F13A1: variants seen among roughly 807,000 people sequenced by gnomAD.
F13A1 encodes coagulation factor XIII A chain.
Under a neutral mutation model 80.1 loss-of-function variants are expected in F13A1, and 47 were observed. The observed-to-expected ratio is 0.59, with a 90% CI of 0.46 to 0.75. F13A1 has a LOEUF of 0.75. Ranked by LOEUF, F13A1 falls within the 30% of genes least tolerant of loss-of-function variation. The pLI, the probability that F13A1 is intolerant of heterozygous loss-of-function variation, is 0.00. For synonymous variants in F13A1, 349 were observed against 344.9 expected, an observed-to-expected ratio of 1.01 and a Z score of -0.13; for missense variants, 817 against 930.4, an observed-to-expected ratio of 0.88 and a Z score of 1.59.
intron 3 of F13A1, among the ~76,000 whole-genome samples, chr6:6,276,960 T>G (rs944507632): frequency 2.0e-5 from 3 of 152,150 alleles, no homozygotes; most frequent in African/African-American, 2.4e-5. Flanking sequence ...CTGTACAGAC[T>G]CTTTCTTGGC....
At chr6:6,146,402 A>G (rs1321135558) in intron 14 of F13A1, among the ~76,000 whole-genome samples, 7 of 152,150 alleles carry the variant, frequency 4.6e-5, no homozygotes, top group African/African-American at 2.4e-5. Context: ...TTTGTTGCCA[A>G]TGCCCTAATG....
At chr6:6,268,240 C>G (rs543337708) in intron 3 of F13A1, among the ~76,000 whole-genome samples, 1 of 152,156 alleles carries the variant, frequency 6.6e-6, no homozygotes, top group Non-Finnish European at 1.5e-5. Context: ...AGCTGATATT[C>G]CACAGAAAAA....
chr6:6,156,816 C>T (rs923208685), intron 13 of F13A1, among the ~76,000 whole-genome samples: 3 of 152,280 alleles, frequency 2.0e-5, no homozygotes, highest in Admixed American at 1.3e-4. Context: ...AATTCAGTTC[C>T]TCAGTTGCAC....
intron 13 of F13A1, among the ~76,000 whole-genome samples, chr6:6,155,486 C>T (rs1760456205): frequency 6.6e-6 from 1 of 152,136 alleles, no homozygotes; most frequent in Admixed American, 6.5e-5. Context: ...AAGCCCTTCT[C>T]TGGTTGTAGT....
rs1295909802 is a variant in F13A1, at chr6:6,225,016, GA to G, written c.799-157del. On this transcript the variant is annotated intron_variant, in intron 6 of 14. Coordinates refer to ENST00000264870, the MANE Select transcript of F13A1 (RefSeq NM_000129.4). ...TGTTCGGTTTACCATTACATTGTTA[GA>G]AAAAAAAGATGCAAAAACTAAATAC... 3.9e-5 allele frequency among the ~76,000 whole-genome samples: 6 copies of G among 152,054 alleles called. No individual in the cohort carries two copies. The South Asian group carries it at 6.2e-4, about 16-fold the overall frequency.
At chr6:6,202,022 A>G (rs1220548495) in intron 8 of F13A1, among the ~76,000 whole-genome samples, 1 of 152,168 alleles carries the variant, frequency 6.6e-6, no homozygotes, top group Non-Finnish European at 1.5e-5. Context: ...TTACATATAT[A>G]TATAAAATCA....
intron 6 of F13A1, among the ~76,000 whole-genome samples, chr6:6,227,348 A>C (rs1210077505): frequency 1.3e-5 from 2 of 152,234 alleles, no homozygotes; most frequent in Non-Finnish European, 2.9e-5. Flanking sequence ...TAATTTGTTC[A>C]ATGTAGGAAA....
At chr6:6,252,110 T>C (rs1223427784) in intron 4 of F13A1, among the ~76,000 whole-genome samples, 2 of 152,080 alleles carry the variant, frequency 1.3e-5, no homozygotes, top group Admixed American at 1.3e-4. Context: ...GGGGATGGAA[T>C]CAGCAAAATT....
In F13A1 at chr6:6,266,818, A is replaced by T. The variant is rs1386246678; in HGVS notation, c.320-9T>A. 1.2e-6 allele frequency: 2 copies of T among 1,614,146 alleles called. No homozygotes were observed. On this transcript the variant is annotated splice_polypyrimidine_tract_variant and intron_variant, in intron 3 of 14. Transcript: ENST00000264870. Reference sequence around the variant, plus strand: ...CTCCTGTGGGTAGCGACCTATGAGAAGAGAGAAGAAATACTCTGTTAGGTT... The same window carrying T: ...CTCCTGTGGGTAGCGACCTATGAGATGAGAGAAGAAATACTCTGTTAGGTT...
intron 4 of F13A1, among the ~76,000 whole-genome samples, chr6:6,258,666 G>A (rs1049360571): frequency 7.2e-5 from 11 of 152,092 alleles, no homozygotes; most frequent in African/African-American, 2.4e-4. Flanking sequence ...AATGATCCTC[G>A]CTTGGCATAA....
rs398000295 is a variant in F13A1 at position 6,318,688 on chromosome 6, GAAA to G, written c.-18-9_-18-7del. On this transcript the variant is annotated splice_region_variant and splice_polypyrimidine_tract_variant and intron_variant, in intron 1 of 14. Transcript: ENST00000264870. ...ATTTTTGACTTTACAAGGTCCTTCA[GAAA>G]AAAAAAAAAAAGAAGACAACAGAAA... The G allele has an allele frequency of 1.7e-4, 248 of 1,488,866 alleles. No individual in the cohort carries two copies. The highest frequency in any genetic ancestry group is 2.0e-4 in the Non-Finnish European group (224 of 1,106,888). The allele number at this position is 1,488,866 out of a possible 1,614,324, so 92.2% of individuals were successfully genotyped here.
At chr6:6,222,254 T>C in intron 7 of F13A1, 83 bp from the exon 8 acceptor site, 1 of 1,563,466 alleles carries the variant, frequency 6.4e-7, no homozygotes. Flanking sequence ...TGTAGGGGAC[T>C]TTCTTCCTGA....
intron 4 of F13A1, among the ~76,000 whole-genome samples, chr6:6,263,604 GATTCACTTT>G (rs1448957470): frequency 6.6e-6 from 1 of 152,148 alleles, no homozygotes; most frequent in African/African-American, 2.4e-5. Flanking sequence ...TTGAGTTCTA[GATTCACTTT>G]ATTCAAGTGC....
At chr6:6,151,682 G>T (rs930663220) in intron 14 of F13A1, 131 bp downstream of exon 14, 36 of 1,259,638 alleles carry the variant, frequency 2.9e-5, no homozygotes, top group Non-Finnish European at 3.7e-5. Flanking sequence ...CTACAGAAAT[G>T]GTCGGCAAGG....
chr6:6,145,849 C>T lies in F13A1; in HGVS notation c.2046-77G>A, dbSNP rs1760268481. On this transcript the variant is annotated intron_variant, in intron 14 of 14. Transcript: ENST00000264870. ...GATCAGGAAGCAATGAAAACTCTTG[C>T]CTAAGTCACTTGCTTTCTTTCTCTC... 7 of 1,596,044 alleles carry T rather than the reference C, an allele frequency of 4.4e-6. No homozygotes were observed. In the Admixed American group the frequency reaches 1.0e-4, roughly 23 times the overall value.
rs1561655230 is a variant in F13A1 at position 6,209,560 on chromosome 6, A to AT, written c.1113-12235_1113-12234insA. On this transcript the variant is annotated intron_variant, in intron 8 of 14. Coordinates refer to ENST00000264870, the MANE Select transcript of F13A1 (RefSeq NM_000129.4). Reference sequence around the variant, plus strand: ...AAAAACTTTTACCTGAATGTTCATTACAACATTATTCATGAAAGCCAAAAA... The same window carrying AT: ...AAAAACTTTTACCTGAATGTTCATTATCAACATTATTCATGAAAGCCAAAAA... Among the ~76,000 whole-genome samples the AT allele has an allele frequency of 2.2e-4, 34 of 152,336 alleles. No individual in the cohort carries two copies. In the East Asian group the frequency reaches 2.9e-3, roughly 13 times the overall value.
rs143723129 is a variant in F13A1, at chr6:6,144,119, C to T, written c.*1500G>A. Reference sequence around the variant, plus strand: ...TTAACTTTATTTTAAGCTTCTATTACATTGTAATTAATAATAATATACTAA... The same window carrying T: ...TTAACTTTATTTTAAGCTTCTATTATATTGTAATTAATAATAATATACTAA... On this transcript the variant is annotated 3_prime_UTR_variant, in exon 15 of 15. Coordinates refer to ENST00000264870, the MANE Select transcript of F13A1 (RefSeq NM_000129.4). 4 of 152,288 alleles carry T rather than the reference C, an allele frequency of 2.6e-5. No homozygotes were observed. Among genetic ancestry groups the T allele is most frequent in the African/African-American group, 7.2e-5 (3 of 41,552 alleles). 9.4% of individuals were successfully genotyped at this position (152,288 alleles called of 1,614,324 possible). A position where few individuals can be genotyped will look rare whatever the true frequency, so the allele number is the denominator to read the frequency against.
In F13A1 at chr6:6,241,622, G is replaced by A. The variant is rs151307173; in HGVS notation, c.798+6690C>T. Among the ~76,000 whole-genome samples, 495 of 152,162 alleles carry A rather than the reference G, an allele frequency of 3.3e-3. 10 individuals are homozygous for A. The highest frequency in any genetic ancestry group is 5.8e-3 in the East Asian group (30 of 5,190). On this transcript the variant is annotated intron_variant, in intron 6 of 14. Transcript: ENST00000264870. The stretch of plus-strand genomic sequence containing the variant: ...CACCTGGGTCCTCAGATGTATCTAC[G>A]ACCGTTCACTCCAAAAAAAGAGGTT...
intron 4 of F13A1, among the ~76,000 whole-genome samples, chr6:6,259,296 C>T (rs374322812): frequency 6.6e-6 from 1 of 152,130 alleles, no homozygotes; most frequent in African/African-American, 2.4e-5. Flanking sequence ...TGGTTACTTA[C>T]TCCATTCTGT....
Sources: gnomAD v4.1 joint callset for allele counts (sites outside exome capture counted in the v4.1 genomes callset) on GRCh38, gnomAD v4.1.1 for gene constraint, MANE v1.5 for transcripts, NCBI Gene and HGNC (gene_info 2026-07-23, HGNC 2026-07-21) for gene names.